The following COL4A6 variants were observed in gnomAD, a reference collection of about 807,000 sequenced individuals.
COL4A6 encodes collagen type IV alpha 6 chain.
A neutral mutation model predicts 126.7 loss-of-function variants in COL4A6; 59 were observed. That is an observed-to-expected ratio of 0.47 (90% CI 0.38 to 0.58). COL4A6 has a LOEUF of 0.58. Ranked by LOEUF, COL4A6 falls within the 20% of genes least tolerant of loss-of-function variation. The pLI is 0.00. For synonymous variants in COL4A6, 547 were observed against 496.6 expected (o/e 1.10, Z -1.35); for missense variants, 1,285 against 1,337.3 (o/e 0.96, Z 0.61).
chrX:108,378,974 G>C (rs1432235947), intron 2 of COL4A6, among the ~76,000 whole-genome samples: 1 of 112,306 alleles, frequency 8.9e-6, no homozygotes, highest in Non-Finnish European at 1.9e-5. Context: ...TCCTGCCTTA[G>C]GCCATGGCAG....
intron 6 of COL4A6, among the ~76,000 whole-genome samples, chrX:108,213,193 G>A (rs2035760582): frequency 8.9e-6 from 1 of 112,267 alleles, no homozygotes; most frequent in African/African-American, 3.2e-5. Context: ...TTCCAATGAA[G>A]TGTCAATTAA....
intron 2 of COL4A6, among the ~76,000 whole-genome samples, chrX:108,388,452 A>G (rs2040752702): frequency 9.0e-6 from 1 of 111,680 alleles, no homozygotes; most frequent in South Asian, 3.8e-4. Context: ...GGGAGGGTGT[A>G]TGTGTCCAGG....
Position 108,214,174 on chromosome X carries a change from C to T in COL4A6, c.379G>A (p.Gly127Arg), listed in dbSNP as rs2035792926. 8.3e-7 allele frequency: 1 copy of T among 1,208,494 alleles called. No individual in the cohort carries two copies. Among genetic ancestry groups the T allele is most frequent in the Non-Finnish European group, 1.1e-6 (1 of 894,544 alleles). ...RGPPGLDGCN[G>R]TQGAVGFPGP... ...GGAAATCCAACAGCTCCTTGAGTTC[C>T]ATTACAGCCATCCAGACCAGGTGGG... Residue 127 changes from glycine (G) to arginine (R), a missense_variant, in exon 6 of 45, where the codon GGA becomes AGA. Transcript: ENST00000334504.
At chrX:108,245,975 T>C (rs1310310074) in intron 3 of COL4A6, among the ~76,000 whole-genome samples, 1 of 111,886 alleles carries the variant, frequency 8.9e-6, no homozygotes, top group Non-Finnish European at 1.9e-5. Context: ...GCTACTGATA[T>C]CTCTATTCCT....
intron 32 of COL4A6, among the ~76,000 whole-genome samples, chrX:108,171,777 A>G (rs768207680): frequency 1.2e-3 from 138 of 111,949 alleles, no homozygotes; most frequent in Non-Finnish European, 2.2e-3. Flanking sequence ...GCCAGCAAGA[A>G]TGGGAAATTT....
chrX:108,196,538 C>G lies in COL4A6; in HGVS notation c.876G>C (p.Lys292Asn). Residue 292 changes from lysine to asparagine, a missense_variant, in exon 14 of 45, where the codon AAG (lysine) becomes AAC (asparagine). Coordinates refer to ENST00000334504, the MANE Select transcript of COL4A6 (RefSeq NM_033641.4). ...TAGGTCCTGGCAAACCAGGGATTCC[C>G]TTTTCTCCCTTTTCTCCCTTTTCTC... ...TTGEKGEKGEKGIPGLPGPRG... is the reference protein window; with the variant it reads ...TTGEKGEKGENGIPGLPGPRG... 5 of 1,196,736 alleles carry G rather than the reference C, an allele frequency of 4.2e-6. No individual in the cohort carries two copies. The highest frequency in any genetic ancestry group is 5.6e-6 in the Non-Finnish European group (5 of 885,668).
rs750303578 is a variant in COL4A6, at chrX:108,438,240, G to A, written c.-44C>T. 3 of 1,163,174 alleles carry A rather than the reference G, an allele frequency of 2.6e-6. No homozygotes were observed. In the African/African-American group the frequency reaches 5.4e-5, roughly 21 times the overall value. On this transcript the variant is annotated 5_prime_UTR_variant, in exon 1 of 45. Coordinates refer to ENST00000334504, the MANE Select transcript of COL4A6 (RefSeq NM_033641.4). ...GCTGGGTCCCGGGAGACTGCTAAGC[G>A]GCTCCGCGGCCCGTGCTCATCTGGG... is the stretch of plus-strand genomic sequence containing the variant.
At chrX:108,176,252 G>A (rs1247404629) in intron 28 of COL4A6, among the ~76,000 whole-genome samples, 1 of 108,199 alleles carries the variant, frequency 9.2e-6, no homozygotes, top group Non-Finnish European at 1.9e-5. Flanking sequence ...TTGAACCTGG[G>A]GGGCAGAGGT....
intron 41 of COL4A6, among the ~76,000 whole-genome samples, chrX:108,162,475 A>G (rs374286343): frequency 9.8e-6 from 1 of 102,529 alleles, no homozygotes; most frequent in South Asian, 4.2e-4. Context: ...AAGAAGAAGA[A>G]GAGGAAGAAG....
intron 3 of COL4A6, among the ~76,000 whole-genome samples, chrX:108,256,886 G>T (rs1326425006): frequency 8.9e-6 from 1 of 111,732 alleles, no homozygotes; most frequent in Non-Finnish European, 1.9e-5. Context: ...AAATAATTTG[G>T]ATGTCAAATT....
At chrX:108,169,042 T>G (rs2034214010) in intron 37 of COL4A6, among the ~76,000 whole-genome samples, 1 of 111,368 alleles carries the variant, frequency 9.0e-6, no homozygotes, top group Non-Finnish European at 1.9e-5. Context: ...TATGCTGTGG[T>G]TCTGTCCGGT....
intron 3 of COL4A6, among the ~76,000 whole-genome samples, chrX:108,233,993 C>A (rs780088518): frequency 8.9e-6 from 1 of 112,144 alleles, no homozygotes; most frequent in African/African-American, 3.2e-5. Flanking sequence ...GTTCTGTGTG[C>A]AACAGGAAAG....
At chrX:108,342,608 C>T (rs922884781) in intron 2 of COL4A6, among the ~76,000 whole-genome samples, 7 of 111,637 alleles carry the variant, frequency 6.3e-5, no homozygotes, top group African/African-American at 1.3e-4. Context: ...GCACATTCTA[C>T]GAATAATTAT....
intron 27 of COL4A6, among the ~76,000 whole-genome samples, 165 bp from the exon 28 acceptor site, chrX:108,177,176 T>C (rs2034525218): frequency 8.9e-6 from 1 of 112,545 alleles, no homozygotes; most frequent in South Asian, 3.7e-4. Flanking sequence ...AGTTCTTAGT[T>C]GGCTGAAGCG....
At chrX:108,416,905 A>G (rs1468493290) in intron 2 of COL4A6, among the ~76,000 whole-genome samples, 1 of 111,974 alleles carries the variant, frequency 8.9e-6, no homozygotes, top group African/African-American at 3.2e-5. Context: ...AAGAGTCAAG[A>G]TTCAATATAA....
intron 2 of COL4A6, among the ~76,000 whole-genome samples, chrX:108,375,170 C>T (rs942695647): frequency 4.5e-5 from 5 of 110,872 alleles, no homozygotes; most frequent in African/African-American, 1.6e-4. Flanking sequence ...AAGAGCATCT[C>T]TTGGGATTAA....
chrX:108,380,609 G>C (rs2040541208), intron 2 of COL4A6, among the ~76,000 whole-genome samples: 1 of 112,280 alleles, frequency 8.9e-6, no homozygotes, highest in Admixed American at 9.5e-5. Context: ...TTCCCTGAAA[G>C]AAATTTAGAG....
intron 23 of COL4A6, among the ~76,000 whole-genome samples, chrX:108,186,093 G>A (rs2034850871): frequency 8.9e-6 from 1 of 112,252 alleles, no homozygotes; most frequent in South Asian, 3.7e-4. Context: ...TGAATTCCAA[G>A]TTGAGGAGTT....
chrX:108,197,932 C>T (rs1370555309), intron 13 of COL4A6, among the ~76,000 whole-genome samples: 3 of 110,686 alleles, frequency 2.7e-5, no homozygotes, highest in Non-Finnish European at 3.8e-5. Flanking sequence ...GTGAAAGGCT[C>T]GTGGGTTAAA....
Sources: allele counts gnomAD v4.1 joint callset (sites outside exome capture counted in the v4.1 genomes callset), GRCh38; gene constraint gnomAD v4.1.1; transcripts MANE v1.5; gene names NCBI Gene and HGNC (gene_info 2026-07-23, HGNC 2026-07-21).